Variants in PHC3 observed in about 807,000 individuals in gnomAD.
The protein encoded by PHC3 is polyhomeotic homolog 3.
In PHC3, 13 loss-of-function variants were observed where a neutral mutation model predicts 107.4. The ratio of observed to expected loss-of-function variants is 0.12; its 90% CI spans 0.08 to 0.19. The LOEUF is 0.19. PHC3 is among the 10% of genes least tolerant of loss of function. The pLI is 1.00. For synonymous variants in PHC3, 456 were observed against 427.4 expected (o/e 1.07, Z -0.83); for missense variants, 992 against 1,210.9 (o/e 0.82, Z 2.68).
chr3:170,144,599 A>G (rs765842322), intron 6 of PHC3, among the ~76,000 whole-genome samples: 10 of 152,186 alleles, frequency 6.6e-5, no homozygotes, highest in Non-Finnish European at 1.0e-4. Flanking sequence ...CCCTCTCACC[A>G]GCAATGTATG....
chr3:170,165,066 G>A (rs1302350955), intron 4 of PHC3, among the ~76,000 whole-genome samples: 1 of 152,194 alleles, frequency 6.6e-6, no homozygotes, highest in Non-Finnish European at 1.5e-5. Flanking sequence ...CATGTGGGGA[G>A]AGTAAAAGGT....
Position 170,113,394 on chromosome 3 carries a change from T to C in PHC3, c.2319A>G (p.Ser773=), listed in dbSNP as rs996260847. 3 of 1,611,052 alleles carry C rather than the reference T, an allele frequency of 1.9e-6. No homozygotes were observed. Among genetic ancestry groups the C allele is most frequent in the African/African-American group, 2.7e-5 (2 of 74,846 alleles). ...LQNNTKHADN[S]SDTEMEDMIA... is the part of the protein sequence containing the mutation. ...TCATGTCTTCCATCTCTGTGTCAGA[T>C]GAATTATCCGCATGTTTTGTATTAT... Residue 773 remains serine, a synonymous_variant, in exon 11 of 15, where the codon TCA becomes TCG. Transcript: ENST00000495893.
At chr3:170,172,934 GT>G (rs200367948) in intron 2 of PHC3, among the ~76,000 whole-genome samples, 1,857 of 152,198 alleles carry the variant, frequency 0.012, 40 homozygotes, top group African/African-American at 0.042. Flanking sequence ...GCTCACGCCT[GT>G]TAATTCCAGC....
In PHC3 at chr3:170,097,114, A is replaced by G. The variant is rs931500284; in HGVS notation, c.*116T>C. On this transcript the variant is annotated 3_prime_UTR_variant, in exon 15 of 15. Coordinates refer to ENST00000495893, the MANE Select transcript of PHC3 (RefSeq NM_024947.4). This position sits in a 1 kb window ranked among gnomAD's most constrained non-coding sequence, Gnocchi z 4.1. ...GTCAGTATTTGATGTGGAGATCCCA[A>G]TGTGCTTGGCTATCCACCACAATAA... 3 of 895,146 alleles carry G rather than the reference A, an allele frequency of 3.4e-6. No individual in the cohort carries two copies. Among genetic ancestry groups the G allele is most frequent in the Non-Finnish European group, 4.8e-6 (3 of 626,664 alleles). 55.5% of individuals were successfully genotyped at this position (895,146 alleles called of 1,614,324 possible).
intron 4 of PHC3, chr3:170,171,013 G>A (rs1729499995): frequency 3.8e-6 from 1 of 261,286 alleles, no homozygotes; most frequent in Non-Finnish European, 7.1e-6. Flanking sequence ...ATGCTTAGAT[G>A]TCTACCAAGG....
At chr3:170,173,733 A>G (rs560270513) in intron 2 of PHC3, among the ~76,000 whole-genome samples, 1 of 152,348 alleles carries the variant, frequency 6.6e-6, no homozygotes, top group African/African-American at 2.4e-5. Context: ...TAGTATATAG[A>G]GTAAGATACC....
rs534445182 is a variant in PHC3, at chr3:170,175,455, T to C, written c.181-2743A>G. 3.4e-4 allele frequency among the ~76,000 whole-genome samples: 51 copies of C among 150,908 alleles called. 1 individual carries two copies. The highest frequency in any genetic ancestry group is 4.7e-4 in the Non-Finnish European group (32 of 67,798). Reference sequence around the variant, plus strand: ...AAGGTCAAGACTAGCCTGGGCGACATAGTGAGATCCTGTCTCTACAAAATA... The same window carrying C: ...AAGGTCAAGACTAGCCTGGGCGACACAGTGAGATCCTGTCTCTACAAAATA... On this transcript the variant is annotated intron_variant, in intron 2 of 14. Transcript: ENST00000495893.
chr3:170,126,073 C>CA, intron 8 of PHC3: 1 of 561,012 alleles, frequency 1.8e-6, no homozygotes, highest in Non-Finnish European at 2.3e-6. Flanking sequence ...CAAATGTCAA[C>CA]AAAAAACTTT....
chr3:170,124,610 C>G (rs1187458501), intron 8 of PHC3, among the ~76,000 whole-genome samples: 1 of 152,202 alleles, frequency 6.6e-6, no homozygotes, highest in Admixed American at 6.5e-5. Context: ...AGTGATCCTC[C>G]TGCCTTGGCC....
intron 4 of PHC3, among the ~76,000 whole-genome samples, chr3:170,164,222 A>AAAC (rs1560119674): frequency 6.6e-5 from 10 of 152,244 alleles, no homozygotes; most frequent in African/African-American, 2.4e-4. Flanking sequence ...AACAAACAAA[A>AAAC]AAATACAGGA....
At chr3:170,157,874 CAA>C (rs1727134231) in intron 4 of PHC3, among the ~76,000 whole-genome samples, 1 of 151,398 alleles carries the variant, frequency 6.6e-6, no homozygotes, top group African/African-American at 2.4e-5. Context: ...AAAATATATA[CAA>C]ATATATATAA....
intron 12 of PHC3, among the ~76,000 whole-genome samples, chr3:170,103,563 G>T (rs890838709): frequency 6.6e-6 from 1 of 152,100 alleles, no homozygotes; most frequent in Non-Finnish European, 1.5e-5. Context: ...TAGTATTTTT[G>T]AACATAGACC....
In PHC3 at chr3:170,092,538, A is replaced by C. The variant is rs996066917; in HGVS notation, c.*4692T>G. The stretch of plus-strand genomic sequence containing the variant: ...AGCAGAGGTAGGCTTGTGTTTACTG[A>C]AATCCAGACTAGGAAAGAGAAACCT... On this transcript the variant is annotated 3_prime_UTR_variant, in exon 15 of 15. Coordinates refer to ENST00000495893, the MANE Select transcript of PHC3 (RefSeq NM_024947.4). The C allele has an allele frequency of 6.6e-6, 1 of 152,222 alleles. No individual in the cohort carries two copies. The highest frequency in any genetic ancestry group is 1.5e-5 in the Non-Finnish European group (1 of 68,028). 9.4% of individuals were successfully genotyped at this position (152,222 alleles called of 1,614,324 possible).
rs1163589921 is a variant in PHC3 at position 170,092,251 on chromosome 3, C to T, written c.*4979G>A. 1.3e-5 allele frequency: 2 copies of T among 152,246 alleles called. No individual in the cohort carries two copies. Among genetic ancestry groups the T allele is most frequent in the African/African-American group, 4.8e-5 (2 of 41,444 alleles). The allele number at this position is 152,246 out of a possible 1,614,324, so 9.4% of individuals were successfully genotyped here. ...CTGACCTCAGGTGATCTACCCACCT[C>T]AGCCTCCCAAAGTGCTGGGATTACA... On this transcript the variant is annotated 3_prime_UTR_variant, in exon 15 of 15. Coordinates refer to ENST00000495893, the MANE Select transcript of PHC3 (RefSeq NM_024947.4).
chr3:170,114,159 G>T (rs1423235708), intron 10 of PHC3, among the ~76,000 whole-genome samples: 1 of 152,108 alleles, frequency 6.6e-6, no homozygotes, highest in African/African-American at 2.4e-5. Flanking sequence ...ACGGGCATGT[G>T]CCACCGCGCC....
chr3:170,162,349 C>G (rs1728031185), intron 4 of PHC3, among the ~76,000 whole-genome samples: 1 of 152,170 alleles, frequency 6.6e-6, no homozygotes, highest in Non-Finnish European at 1.5e-5. Flanking sequence ...ACATCATCAA[C>G]TTAACATGTC....
chr3:170,144,285 G>A (rs1161081288), intron 6 of PHC3, among the ~76,000 whole-genome samples: 1 of 151,602 alleles, frequency 6.6e-6, no homozygotes, highest in South Asian at 2.1e-4. Context: ...AGGTTGCAGT[G>A]AGCGGAGACG....
At chr3:170,160,861 C>G (rs765802460) in intron 4 of PHC3, among the ~76,000 whole-genome samples, 1 of 152,108 alleles carries the variant, frequency 6.6e-6, no homozygotes, top group Non-Finnish European at 1.5e-5. Flanking sequence ...GAGCCAAGAT[C>G]GTGCCACTGC....
In PHC3 at chr3:170,102,862, C is replaced by T; in HGVS notation, c.2541G>A (p.Gly847=). ...GGCCACTTGGACGACGGCCACGATG[C>T]CCAAGACTTTGATTATCAGGCTTAC... ...WNRKPDNQSL[G]HRGRRPSGPD... is the part of the protein sequence containing the mutation. Residue 847 remains glycine, a synonymous_variant, in exon 13 of 15, where the codon GGG becomes GGA. Coordinates refer to ENST00000495893, the MANE Select transcript of PHC3 (RefSeq NM_024947.4). 1 of 1,613,788 alleles carries T rather than the reference C, an allele frequency of 6.2e-7. No homozygotes were observed. Among genetic ancestry groups the T allele is most frequent in the Non-Finnish European group, 8.5e-7 (1 of 1,179,800 alleles).
Sources: allele counts gnomAD v4.1 joint callset (sites outside exome capture counted in the v4.1 genomes callset), GRCh38; gene constraint gnomAD v4.1.1; non-coding constraint Gnocchi (gnomAD v3.1); transcripts MANE v1.5; gene names NCBI Gene and HGNC (gene_info 2026-07-23, HGNC 2026-07-21).